Variants in SYNE3 observed in about 807,000 individuals in gnomAD.
SYNE3 encodes nesprin-3.
In SYNE3, 100 loss-of-function variants were observed where a neutral mutation model predicts 111.2. The ratio of observed to expected loss-of-function variants is 0.90; its 90% CI spans 0.77 to 1.06. The LOEUF (loss-of-function observed/expected upper bound fraction) is 1.06, where lower values mean the gene tolerates loss of function less well. SYNE3 is among the 50% of genes least tolerant of loss of function. The pLI is 0.00. For missense variants in SYNE3, 1,160 were observed against 1,240.3 expected (o/e 0.94, Z 0.97); for synonymous variants, 547 against 533.9 (o/e 1.02, Z -0.34).
rs764273195 is a variant in SYNE3, at chr14:95,432,096, G to A, written c.2710C>T (p.Pro904Ser). 38 of 1,612,564 alleles carry A rather than the reference G, an allele frequency of 2.4e-5. 1 individual carries two copies. In the Middle Eastern group the frequency reaches 4.9e-4, roughly 21 times the overall value. The stretch of plus-strand genomic sequence containing the variant: ...CACTGTACCTTTTGGAATCCAGTCG[G>A]CTCCCCTGGAGAACTTTGTGTCTGT... ...HLLTQSSPGE[P>S]TGFQKTRRWR... The change falls in exon 17 of 18, where the codon CCG (proline) becomes TCG (serine). Residue 904 changes from proline (P) to serine (S), a missense_variant. Coordinates refer to ENST00000682763, the MANE Select transcript of SYNE3 (RefSeq NM_152592.6).
chr14:95,465,621 G>A (rs1391105935), intron 4 of SYNE3, among the ~76,000 whole-genome samples: 1 of 152,110 alleles, frequency 6.6e-6, no homozygotes, highest in African/African-American at 2.4e-5. Context: ...GGATGAGTGA[G>A]TCAACAGATG....
At chr14:95,493,985 G>T (rs190330493) in intron 1 of SYNE3, among the ~76,000 whole-genome samples, 1 of 152,252 alleles carries the variant, frequency 6.6e-6, no homozygotes, top group African/African-American at 2.4e-5. Flanking sequence ...GCCTGCCCAA[G>T]ATTCCAGAGA....
intron 4 of SYNE3, among the ~76,000 whole-genome samples, chr14:95,459,278 G>C (rs1017742580): frequency 1.3e-5 from 2 of 152,210 alleles, no homozygotes; most frequent in African/African-American, 4.8e-5. Context: ...ATTTGAAAAT[G>C]TGAAAGCCAT....
At chr14:95,464,708 ACT>A (rs751990752) in intron 4 of SYNE3, among the ~76,000 whole-genome samples, 12 of 152,228 alleles carry the variant, frequency 7.9e-5, no homozygotes, top group Middle Eastern at 3.4e-3. Flanking sequence ...ACAGAAAGCC[ACT>A]CTCAGGTGGT....
At chr14:95,491,773 TA>T (rs34866057) in intron 1 of SYNE3, among the ~76,000 whole-genome samples, 48,964 of 136,742 alleles carry the variant, frequency 0.36, 8,346 homozygotes, top group East Asian at 0.46. Flanking sequence ...GCAAAAATGT[TA>T]AAAAAAAAAA....
chr14:95,507,517 T>C (rs1890571841), intron 1 of SYNE3, among the ~76,000 whole-genome samples: 1 of 152,178 alleles, frequency 6.6e-6, no homozygotes, highest in Admixed American at 6.5e-5. Context: ...CATTAGGAAG[T>C]GAAGACTGCG....
chr14:95,443,002 G>A (rs1482615036), intron 11 of SYNE3, among the ~76,000 whole-genome samples, 153 bp downstream of exon 11: 1 of 152,134 alleles, frequency 6.6e-6, no homozygotes, highest in African/African-American at 2.4e-5. Context: ...ATAATTGTCT[G>A]TTGTATGAAT....
intron 8 of SYNE3, among the ~76,000 whole-genome samples, chr14:95,447,412 A>G (rs1886786500): frequency 6.6e-6 from 1 of 152,128 alleles, no homozygotes; most frequent in Admixed American, 6.5e-5. Flanking sequence ...CTGGGATTAC[A>G]GGCGTGAGCC....
intron 1 of SYNE3, among the ~76,000 whole-genome samples, chr14:95,480,150 A>G (rs1001305294): frequency 6.6e-5 from 10 of 152,184 alleles, no homozygotes; most frequent in Non-Finnish European, 1.2e-4. Context: ...AAAAAAAAGT[A>G]TTTTCTGTTT....
At chr14:95,510,964 C>T (rs1368655568) in intron 1 of SYNE3, among the ~76,000 whole-genome samples, 2 of 152,238 alleles carry the variant, frequency 1.3e-5, no homozygotes, top group Non-Finnish European at 2.9e-5. Flanking sequence ...CCCAACTGTC[C>T]TCCACCAGGG....
At chr14:95,455,296 C>G (rs903198790) in intron 6 of SYNE3, 81 bp downstream of exon 6, 1 of 1,161,198 alleles carries the variant, frequency 8.6e-7, no homozygotes, top group Non-Finnish European at 1.2e-6. Flanking sequence ...GCCCGATTCT[C>G]CATCACAGAG....
At chr14:95,441,574 G>A (rs1295651328) in intron 11 of SYNE3, among the ~76,000 whole-genome samples, 2 of 152,262 alleles carry the variant, frequency 1.3e-5, no homozygotes, top group Non-Finnish European at 2.9e-5. Flanking sequence ...GCAACACCGA[G>A]TGATGCTCAG....
chr14:95,465,112 A>C (rs1888080948), intron 4 of SYNE3, among the ~76,000 whole-genome samples: 1 of 151,786 alleles, frequency 6.6e-6, no homozygotes, highest in African/African-American at 2.4e-5. Context: ...GAATGGACAG[A>C]GGGACTGGGG....
chr14:95,423,255 T>A (rs1026615577), intron 17 of SYNE3, among the ~76,000 whole-genome samples: 3 of 151,934 alleles, frequency 2.0e-5, no homozygotes, highest in Non-Finnish European at 4.4e-5. Context: ...AATGATGGAG[T>A]GATATTGTCA....
At chr14:95,429,923 C>T in intron 17 of SYNE3, 1 of 969,598 alleles carries the variant, frequency 1.0e-6, no homozygotes, top group East Asian at 1.2e-4. Flanking sequence ...GTCTACAGGA[C>T]AGGTCACTGC....
rs1163528904 is a variant in SYNE3 at position 95,455,290 on chromosome 14, G to A, written c.1137+87C>T. 8 of 1,103,844 alleles carry A rather than the reference G, an allele frequency of 7.2e-6. No homozygotes were observed. In the Admixed American group the frequency reaches 8.9e-5, roughly 12 times the overall value. The allele number at this position is 1,103,844 out of a possible 1,614,324, so 68.4% of individuals were successfully genotyped here. ...AGTGAGTGTGCTCAGGGCTCAGCCC[G>A]ATTCTCCATCACAGAGGAGGTCTGA... On this transcript the variant is annotated intron_variant, in intron 6 of 17. Coordinates refer to ENST00000682763, the MANE Select transcript of SYNE3 (RefSeq NM_152592.6).
At chr14:95,481,712 ATG>A (rs1320605473) in intron 1 of SYNE3, among the ~76,000 whole-genome samples, 25 of 152,226 alleles carry the variant, frequency 1.6e-4, no homozygotes, top group Admixed American at 1.6e-3. Flanking sequence ...GGAGAAATAG[ATG>A]TGTGGGCCCC....
In SYNE3 at chr14:95,443,195, T is replaced by C. The variant is rs747905842; in HGVS notation, c.1871A>G (p.Gln624Arg). ...ENPNHQHKMD[Q>R]LSSDFQALQR... is the part of the protein sequence containing the mutation. ...CAGGGCCTGGAAGTCGGAGGAAAGC[T>C]GGTCCATTTTGTGCTGGTGGTTGGG... The change falls in exon 11 of 18, where the codon CAG (glutamine) becomes CGG (arginine). Residue 624 changes from glutamine (Q) to arginine (R), a missense_variant. Coordinates refer to ENST00000682763, the MANE Select transcript of SYNE3 (RefSeq NM_152592.6). The C allele has an allele frequency of 8.1e-6, 13 of 1,614,180 alleles. No individual in the cohort carries two copies. Among genetic ancestry groups the C allele is most frequent in the Middle Eastern group, 1.7e-4 (1 of 6,044 alleles).
chr14:95,498,128 T>A (rs1481351549), intron 1 of SYNE3, among the ~76,000 whole-genome samples: 2 of 152,220 alleles, frequency 1.3e-5, no homozygotes, highest in African/African-American at 2.4e-5. Context: ...AACAATTTTT[T>A]TTAAAAAAAT....
Sources: gnomAD v4.1 joint callset for allele counts (sites outside exome capture counted in the v4.1 genomes callset) on GRCh38, gnomAD v4.1.1 for gene constraint, MANE v1.5 for transcripts, NCBI Gene and HGNC (gene_info 2026-07-23, HGNC 2026-07-21) for gene names.